LIAT1: variants seen among roughly 807,000 people sequenced by gnomAD.
The protein encoded by LIAT1 is protein LIAT1.
the LIAT1 span, chr17:410,705 AC>A: frequency 6.8e-7 from 1 of 1,469,108 alleles, no homozygotes; most frequent in Non-Finnish European, 9.2e-7. Flanking sequence ...CTCTTTGGGG[AC>A]CCACCCCCCA....
the LIAT1 span, chr17:414,153 C>G: frequency 1.3e-6 from 2 of 1,589,962 alleles, no homozygotes; most frequent in East Asian, 4.5e-5. The surrounding 1 kb of genome is among the most constrained non-coding windows in gnomAD (Gnocchi z 4.1). Flanking sequence ...ATAATTCCTC[C>G]TCACCACAAG....
At chr17:413,553 C>A in the LIAT1 span, 2 of 1,527,074 alleles carry the variant, frequency 1.3e-6, no homozygotes, top group South Asian at 2.3e-5. Flanking sequence ...GGCTTCCACC[C>A]CGACCCCGAG....
At chr17:414,306 TA>T in the LIAT1 span, 1 of 639,516 alleles carries the variant, frequency 1.6e-6, no homozygotes, top group Non-Finnish European at 2.7e-6. This position sits in a 1 kb window ranked among gnomAD's most constrained non-coding sequence, Gnocchi z 4.1. Flanking sequence ...CTTGAGAACA[TA>T]AGCAATTTAG....
At chr17:414,084 A>G in the LIAT1 span, 1 of 1,613,742 alleles carries the variant, frequency 6.2e-7, no homozygotes, top group Non-Finnish European at 8.5e-7. This position sits in a 1 kb window ranked among gnomAD's most constrained non-coding sequence, Gnocchi z 4.1. Context: ...AAGCTTCTAC[A>G]CTCTGACTTA....
the LIAT1 span, chr17:410,691 G>A: frequency 6.6e-7 from 1 of 1,515,602 alleles, no homozygotes; most frequent in Non-Finnish European, 8.9e-7. Context: ...CGGTTCCCTG[G>A]AGACTCTTTG....
the LIAT1 span, among the ~76,000 whole-genome samples, chr17:412,592 C>G: frequency 6.6e-6 from 1 of 152,042 alleles, no homozygotes; most frequent in East Asian, 1.9e-4. Flanking sequence ...AAAATCAGTA[C>G]AAGCCATACA....
the LIAT1 span, chr17:414,053 T>A: frequency 6.2e-7 from 1 of 1,614,130 alleles, no homozygotes; most frequent in African/African-American, 1.3e-5. The surrounding 1 kb of genome is among the most constrained non-coding windows in gnomAD (Gnocchi z 4.1). Context: ...CAATCTCTGT[T>A]TTGAAGGAAA....
At chr17:411,893 G>A in the LIAT1 span, among the ~76,000 whole-genome samples, 12 of 152,196 alleles carry the variant, frequency 7.9e-5, no homozygotes, top group Non-Finnish European at 1.6e-4. Context: ...CTGGGAGAGG[G>A]CTCTAAGCTC....
At chr17:410,423 G>A in the LIAT1 span, 2 of 1,535,330 alleles carry the variant, frequency 1.3e-6, no homozygotes, top group Non-Finnish European at 1.7e-6. Flanking sequence ...CGCCCCCGGG[G>A]CGGGTTGGGT....
chr17:410,589 C>T, the LIAT1 span: 8 of 1,545,926 alleles, frequency 5.2e-6, no homozygotes, highest in African/African-American at 6.8e-5. Context: ...GCTGGCCAAA[C>T]GGAAGGTGAA....
the LIAT1 span, chr17:413,921 G>C: frequency 4.6e-6 from 7 of 1,520,264 alleles, no homozygotes; most frequent in Non-Finnish European, 6.2e-6. Context: ...CCCCGACCCC[G>C]AGGCCCTCAA....
chr17:414,210 C>G, the LIAT1 span: 1 of 1,421,240 alleles, frequency 7.0e-7, no homozygotes, highest in Non-Finnish European at 9.5e-7. The surrounding 1 kb of genome is among the most constrained non-coding windows in gnomAD (Gnocchi z 4.1). Context: ...AGACCCGTAT[C>G]TGAAGGAAAC....
chr17:413,385 C>T, the LIAT1 span: 1 of 1,614,244 alleles, frequency 6.2e-7, no homozygotes, highest in South Asian at 1.1e-5. Context: ...GACCCGGAGG[C>T]AGAGAAGGAA....
At chr17:412,047 C>T in the LIAT1 span, among the ~76,000 whole-genome samples, 1 of 152,198 alleles carries the variant, frequency 6.6e-6, no homozygotes, top group Non-Finnish European at 1.5e-5. Context: ...AATACAAAGG[C>T]AAGAAAATTC....
At chr17:414,042 C>T in the LIAT1 span, 5 of 1,614,116 alleles carry the variant, frequency 3.1e-6, no homozygotes, top group South Asian at 4.4e-5. The surrounding 1 kb of genome is among the most constrained non-coding windows in gnomAD (Gnocchi z 4.1). Flanking sequence ...GCCGAGTGCC[C>T]CAATCTCTGT....
At chr17:413,319 T>C in the LIAT1 span, 1 of 1,614,212 alleles carries the variant, frequency 6.2e-7, no homozygotes, top group Non-Finnish European at 8.5e-7. Context: ...TTTGCCGAAA[T>C]AGAGAACCTT....
the LIAT1 span, chr17:413,258 G>A: frequency 1.2e-6 from 2 of 1,614,112 alleles, no homozygotes; most frequent in East Asian, 2.2e-5. Flanking sequence ...ACAGAGCAAA[G>A]TGGAAAAGAA....
chr17:414,259 C>T, the LIAT1 span: 1 of 1,028,608 alleles, frequency 9.7e-7, no homozygotes, highest in South Asian at 1.6e-5. The surrounding 1 kb of genome is among the most constrained non-coding windows in gnomAD (Gnocchi z 4.1). Context: ...TCTCCCATCA[C>T]CAAGCTGCCC....
chr17:411,559 G>T, the LIAT1 span, among the ~76,000 whole-genome samples: 3 of 152,022 alleles, frequency 2.0e-5, no homozygotes, highest in Admixed American at 6.6e-5. Flanking sequence ...GAAAACTAAA[G>T]CACAGATCCC....
Sources: gnomAD v4.1 joint callset for allele counts (sites outside exome capture counted in the v4.1 genomes callset) on GRCh38, gnomAD v4.1.1 for gene constraint, Gnocchi (gnomAD v3.1) non-coding constraint, MANE v1.5 for transcripts, NCBI Gene and HGNC (gene_info 2026-07-23, HGNC 2026-07-21) for gene names.